The following ABCC11 variants were observed in gnomAD, a reference collection of about 807,000 sequenced individuals.
The protein encoded by ABCC11 is ATP binding cassette subfamily C member 11, also known as ATP-binding cassette sub-family C member 11.
In ABCC11, 135 loss-of-function variants were observed where a neutral mutation model predicts 149.3. That is an observed-to-expected ratio of 0.90 (90% CI 0.79 to 1.04). ABCC11 has a LOEUF of 1.04. ABCC11 is among the 50% of genes least tolerant of loss of function. The pLI is 0.00. For synonymous variants in ABCC11, 665 were observed against 671.4 expected (o/e 0.99, Z 0.15); for missense variants, 1,680 against 1,722.1 (o/e 0.98, Z 0.43).
chr16:48,223,191 G>A (rs1329544819), intron 5 of ABCC11, among the ~76,000 whole-genome samples: 1 of 152,264 alleles, frequency 6.6e-6, no homozygotes, highest in Non-Finnish European at 1.5e-5. Flanking sequence ...GCAGGGAACA[G>A]TGGCCTCCTT....
At chr16:48,224,959 G>A (rs1032167482) in intron 4 of ABCC11, among the ~76,000 whole-genome samples, 1 of 151,972 alleles carries the variant, frequency 6.6e-6, no homozygotes, top group Non-Finnish European at 1.5e-5. Flanking sequence ...GGAGGCAGAA[G>A]TTGCAGTAAG....
chr16:48,222,448 G>A, intron 6 of ABCC11, 150 bp downstream of exon 6: 1 of 667,930 alleles, frequency 1.5e-6, no homozygotes, highest in South Asian at 1.9e-5. Flanking sequence ...AATTGTTAAT[G>A]GTTATCCACA....
Position 48,224,903 on chromosome 16 carries a change from A to C in ABCC11, c.396-474T>G, listed in dbSNP as rs112861110. Among the ~76,000 whole-genome samples the C allele has an allele frequency of 6.2e-4, 94 of 152,240 alleles. 1 individual carries two copies. The highest frequency in any genetic ancestry group is 2.3e-3 in the African/African-American group (94 of 41,558). On this transcript the variant is annotated intron_variant, in intron 4 of 29. Transcript: ENST00000356608. ...GTTGGCACGGTGGCATGCGCCTGTA[A>C]TCCCAGGTACTTGGGAGGCTGAGGC...
chr16:48,182,645 T>G (rs1471814521), intron 23 of ABCC11, among the ~76,000 whole-genome samples: 1 of 152,058 alleles, frequency 6.6e-6, no homozygotes, highest in African/African-American at 2.4e-5. Flanking sequence ...TAGCTGGGCA[T>G]GGTGGCGGGC....
In ABCC11 at chr16:48,221,929, T is replaced by C. The variant is rs554777142; in HGVS notation, c.777+669A>G. On this transcript the variant is annotated intron_variant, in intron 6 of 29. Transcript: ENST00000356608. ...GTTAATTTTTGTCTTTTTTTTTTTTTTTGAGACAGGCTGTCACTCTGTTTC... is the reference window on the plus strand; with the variant it reads ...GTTAATTTTTGTCTTTTTTTTTTTTCTTGAGACAGGCTGTCACTCTGTTTC... Among the ~76,000 whole-genome samples the C allele has an allele frequency of 1.8e-3, 275 of 151,940 alleles. 1 individual carries two copies. Among genetic ancestry groups the C allele is most frequent in the Admixed American group, 4.5e-3 (68 of 15,266 alleles).
At chr16:48,243,264 G>A (rs1486714259) in intron 1 of ABCC11, among the ~76,000 whole-genome samples, 1 of 151,884 alleles carries the variant, frequency 6.6e-6, no homozygotes, top group Non-Finnish European at 1.5e-5. Flanking sequence ...AGCCGGGCGT[G>A]GTTGCGGGTG....
rs1366843609 is a variant in ABCC11 at position 48,214,902 on chromosome 16, C to G, written c.1227G>C (p.Lys409Asn). ...AVWVLIHTSLKLKLTASMAFS... is the reference protein window; with the variant it reads ...AVWVLIHTSLNLKLTASMAFS... Reference sequence around the variant, plus strand: ...TTACCATTGACGCTGTGAGTTTCAGCTTTAAGGATGTGTGGATGAGAACCC... The same window carrying G: ...TTACCATTGACGCTGTGAGTTTCAGGTTTAAGGATGTGTGGATGAGAACCC... Residue 409 changes from lysine (K) to asparagine (N), a missense_variant, in exon 9 of 30, where the codon AAG (lysine) becomes AAC (asparagine). Coordinates refer to ENST00000356608, the MANE Select transcript of ABCC11 (RefSeq NM_001370497.1). The G allele has an allele frequency of 4.3e-6, 7 of 1,614,186 alleles. No individual in the cohort carries two copies. The highest frequency in any genetic ancestry group is 5.9e-6 in the Non-Finnish European group (7 of 1,180,036).
At chr16:48,169,954 T>C in intron 28 of ABCC11, 151 bp downstream of exon 28, 1 of 620,342 alleles carries the variant, frequency 1.6e-6, no homozygotes, top group Non-Finnish European at 2.8e-6. Context: ...TTGGATTCTG[T>C]TGCTGTTGTT....
At chr16:48,228,575 A>T (rs1970230173) in intron 3 of ABCC11, among the ~76,000 whole-genome samples, 1 of 151,904 alleles carries the variant, frequency 6.6e-6, no homozygotes, top group East Asian at 1.9e-4. Context: ...CCAGCCTGGG[A>T]GACAGCGCAC....
chr16:48,226,856 T>C (rs1446410892), intron 4 of ABCC11, among the ~76,000 whole-genome samples: 1 of 152,192 alleles, frequency 6.6e-6, no homozygotes, highest in East Asian at 1.9e-4. Context: ...CTCTGACTAC[T>C]GAATGCTCTT....
chr16:48,212,940 G>A (rs961364012), intron 10 of ABCC11, among the ~76,000 whole-genome samples: 1 of 152,144 alleles, frequency 6.6e-6, no homozygotes, highest in Non-Finnish European at 1.5e-5. Flanking sequence ...GTGCAATAGG[G>A]TATGGTAGAG....
chr16:48,201,827 G>T (rs1302984356), intron 14 of ABCC11, among the ~76,000 whole-genome samples: 1 of 152,250 alleles, frequency 6.6e-6, no homozygotes, highest in East Asian at 1.9e-4. Context: ...ATGTTTTGCA[G>T]ATTAGCACTC....
chr16:48,224,197 G>A (rs1422630840), intron 5 of ABCC11, 85 bp downstream of exon 5: 11 of 1,473,588 alleles, frequency 7.5e-6, no homozygotes, highest in Non-Finnish European at 1.0e-5. Context: ...TCTAACTCCT[G>A]GCATGGACTT....
At chr16:48,184,935 G>C (rs539676403) in intron 22 of ABCC11, among the ~76,000 whole-genome samples, 1 of 152,226 alleles carries the variant, frequency 6.6e-6, no homozygotes, top group Admixed American at 6.5e-5. Flanking sequence ...CACAGAGAGT[G>C]AATAAATGCC....
intron 25 of ABCC11, 44 bp from the exon 26 acceptor site, chr16:48,175,461 C>A: frequency 1.3e-6 from 2 of 1,578,520 alleles, no homozygotes; most frequent in South Asian, 1.1e-5. Context: ...CCTGCATCTG[C>A]ACTAGCGGAA....
At chr16:48,173,224 T>C (rs1347114663) in intron 26 of ABCC11, among the ~76,000 whole-genome samples, 3 of 152,122 alleles carry the variant, frequency 2.0e-5, no homozygotes, top group Non-Finnish European at 2.9e-5. Flanking sequence ...GGGTAGAGCC[T>C]TAAGTTCTAA....
In ABCC11 at chr16:48,166,926, T is replaced by C. The variant is rs754737288; in HGVS notation, c.*348A>G. The C allele has an allele frequency of 1.6e-5, 3 of 193,086 alleles. No homozygotes were observed. Among genetic ancestry groups the C allele is most frequent in the African/African-American group, 2.4e-5 (1 of 42,512 alleles). The allele number at this position is 193,086 out of a possible 1,614,324, so 12.0% of individuals were successfully genotyped here. ...CAAAGAAAGTGAGTTTTCCTTAGTT[T>C]TATATTTTACAAAGTCAGTACAGCA... is the stretch of plus-strand genomic sequence containing the variant. On this transcript the variant is annotated 3_prime_UTR_variant, in exon 30 of 30. Transcript: ENST00000356608.
Position 48,222,693 on chromosome 16 carries a change from G to C in ABCC11, c.682C>G (p.Gln228Glu). Residue 228 changes from glutamine (Q) to glutamate (E), a missense_variant, in exon 6 of 30, where the codon CAA (glutamine) becomes GAA (glutamate). By Grantham distance (29) the Gln-to-Glu change is conservative (BLOSUM62 2). Transcript: ENST00000356608. ...LSFSSSWIIN[Q>E]RTAIRFRAAV... ...GCTCGGAACCTGATGGCTGTGCGTTGGTTGATGATCCAACTGGAGGAGAAA... is the reference window on the plus strand; with the variant it reads ...GCTCGGAACCTGATGGCTGTGCGTTCGTTGATGATCCAACTGGAGGAGAAA... The C allele has an allele frequency of 1.2e-6, 2 of 1,614,208 alleles. No individual in the cohort carries two copies. The highest frequency in any genetic ancestry group is 1.7e-6 in the Non-Finnish European group (2 of 1,180,038).
chr16:48,183,388 C>G (rs904971530), intron 23 of ABCC11, among the ~76,000 whole-genome samples: 2 of 152,266 alleles, frequency 1.3e-5, no homozygotes, highest in Admixed American at 6.5e-5. Flanking sequence ...TCCCAGCCCC[C>G]AGTGTGCTGG....
Sources: gnomAD v4.1 joint callset for allele counts (sites outside exome capture counted in the v4.1 genomes callset) on GRCh38, gnomAD v4.1.1 for gene constraint, MANE v1.5 for transcripts, NCBI Gene and HGNC (gene_info 2026-07-23, HGNC 2026-07-21) for gene names.